Variants in DENND5A observed in about 807,000 individuals in gnomAD.
DENND5A encodes DENN domain-containing protein 5A.
A neutral mutation model predicts 140.3 loss-of-function variants in DENND5A; 64 were observed. The observed-to-expected ratio is 0.46, with a 90% CI of 0.37 to 0.56. The LOEUF is 0.56. DENND5A is among the 20% of genes least tolerant of loss of function. The pLI is 0.00. For synonymous variants in DENND5A, 605 were observed against 607.7 expected, an observed-to-expected ratio of 1.00 and a Z score of 0.07; for missense variants, 1,292 against 1,593.8, an observed-to-expected ratio of 0.81 and a Z score of 3.22.
At chr11:9,250,249 T>G (rs1851664257) in intron 1 of DENND5A, among the ~76,000 whole-genome samples, 1 of 147,162 alleles carries the variant, frequency 6.8e-6, no homozygotes, top group South Asian at 2.1e-4. Context: ...GCAAAAAGCA[T>G]AAAACATCCT....
At chr11:9,246,261 G>A (rs1851466495) in intron 1 of DENND5A, among the ~76,000 whole-genome samples, 1 of 152,164 alleles carries the variant, frequency 6.6e-6, no homozygotes, top group Non-Finnish European at 1.5e-5. Flanking sequence ...TCCCTGAGCT[G>A]TCTTTCAGAA....
At chr11:9,193,353 C>A in intron 5 of DENND5A, 141 bp downstream of exon 5, 2 of 593,044 alleles carry the variant, frequency 3.4e-6, no homozygotes, top group Non-Finnish European at 5.4e-6. Context: ...ATTGTTTTTA[C>A]TTTTTTCCTG....
chr11:9,166,077 TTTTC>T, intron 10 of DENND5A, 110 bp from the exon 11 acceptor site: 1 of 1,035,912 alleles, frequency 9.7e-7, no homozygotes, highest in Non-Finnish European at 1.4e-6. Context: ...TTTTCTTTTT[TTTTC>T]TTTTTCTTTT....
intron 11 of DENND5A, 143 bp downstream of exon 11, chr11:9,165,693 C>T: frequency 4.0e-6 from 4 of 998,086 alleles, no homozygotes; most frequent in Non-Finnish European, 5.9e-6. Flanking sequence ...CATGGTCTCC[C>T]AAAGTGTTGG....
chr11:9,139,347 G>A lies in DENND5A; in HGVS notation c.*324C>T, dbSNP rs116255910. ...CGGGGCAAGGAAACATAACTGTCCCGCACGCAGTGCCACAGGCTCAGTCCA... is the reference window on the plus strand; with the variant it reads ...CGGGGCAAGGAAACATAACTGTCCCACACGCAGTGCCACAGGCTCAGTCCA... On this transcript the variant is annotated 3_prime_UTR_variant, in exon 23 of 23. Transcript: ENST00000328194. The A allele has an allele frequency of 3.3e-3, 1,011 of 304,604 alleles. 5 individuals are homozygous for A. The highest frequency in any genetic ancestry group is 0.011 in the African/African-American group (511 of 47,240). 18.9% of individuals were successfully genotyped at this position (304,604 alleles called of 1,614,324 possible). A position where few individuals can be genotyped will look rare whatever the true frequency, so the allele number is the denominator to read the frequency against.
chr11:9,179,984 C>T (rs1021016418), intron 6 of DENND5A, among the ~76,000 whole-genome samples: 10 of 151,990 alleles, frequency 6.6e-5, no homozygotes, highest in African/African-American at 1.9e-4. Context: ...AAGTAACTTA[C>T]GAAAGTAATT....
Position 9,152,345 on chromosome 11 carries a change from G to C in DENND5A, c.2521+13C>G, listed in dbSNP as rs763835548. ...GAGAGAGGGCAGACTCTCCATTGCA[G>C]AGACTATCTTACCTGAGGTACTGAG... On this transcript the variant is annotated intron_variant, in intron 13 of 22. Transcript: ENST00000328194. The C allele has an allele frequency of 1.3e-6, 2 of 1,586,252 alleles. No homozygotes were observed. Among genetic ancestry groups the C allele is most frequent in the African/African-American group, 1.3e-5 (1 of 74,274 alleles).
chr11:9,168,877 A>T (rs1848275448), intron 10 of DENND5A, among the ~76,000 whole-genome samples: 1 of 152,138 alleles, frequency 6.6e-6, no homozygotes, highest in South Asian at 2.1e-4. Context: ...TGAAGTTAAC[A>T]CTCATTTTCA....
chr11:9,264,809 A>G (rs539282695), intron 1 of DENND5A, 152 bp downstream of exon 1: 228 of 626,014 alleles, frequency 3.6e-4, no homozygotes, highest in Non-Finnish European at 5.6e-4. Context: ...TCCCCCCTCC[A>G]GTCCAAAGCC....
chr11:9,198,669 G>A (rs548930417), intron 4 of DENND5A, among the ~76,000 whole-genome samples: 1 of 152,036 alleles, frequency 6.6e-6, no homozygotes, highest in Non-Finnish European at 1.5e-5. Context: ...TGTATTATGG[G>A]TGTGGTTTAT....
chr11:9,191,984 T>A (rs1320901841), intron 5 of DENND5A, among the ~76,000 whole-genome samples: 3 of 152,194 alleles, frequency 2.0e-5, no homozygotes. Context: ...ACCCCAATAT[T>A]ATCTCAACTC....
chr11:9,198,935 G>C (rs944298972), intron 4 of DENND5A, among the ~76,000 whole-genome samples: 3 of 145,900 alleles, frequency 2.1e-5, no homozygotes, highest in African/African-American at 7.5e-5. Context: ...GCCAGGTGTG[G>C]TGTCCTAGCT....
intron 5 of DENND5A, among the ~76,000 whole-genome samples, chr11:9,183,195 A>G (rs891750553): frequency 6.6e-6 from 1 of 152,224 alleles, no homozygotes; most frequent in Non-Finnish European, 1.5e-5. Flanking sequence ...TAGCCAAGAC[A>G]ACATTGCCTT....
At chr11:9,240,166 G>C (rs1851174076) in intron 1 of DENND5A, among the ~76,000 whole-genome samples, 2 of 152,060 alleles carry the variant, frequency 1.3e-5, no homozygotes, top group South Asian at 4.1e-4. Context: ...CCAGCATTTT[G>C]GGAGGCCAAG....
At chr11:9,174,516 C>CT (rs575928246) in intron 8 of DENND5A, among the ~76,000 whole-genome samples, 10,539 of 133,718 alleles carry the variant, frequency 0.079, 1,123 homozygotes, top group African/African-American at 0.25. Context: ...AAGGTTATTT[C>CT]TTTTTTTTTT....
chr11:9,179,334 CAG>C (rs1033736274), intron 6 of DENND5A, among the ~76,000 whole-genome samples: 2 of 152,018 alleles, frequency 1.3e-5, no homozygotes, highest in African/African-American at 4.8e-5. Context: ...TCTTTATGGG[CAG>C]AGAGAGATTC....
Position 9,178,271 on chromosome 11 carries a change from T to C in DENND5A, c.1767A>G (p.Ile589Met). ...CTTTATCATCATCATCATGACACAT[T>C]ATTTTGTTGTCAATGAAAGATGCAA... ...QMFASFIDNK[I>M]MCHDDDDKDP... The change falls in exon 8 of 23, where the codon ATA becomes ATG. Residue 589 changes from isoleucine to methionine, a missense_variant. This residue lies in a region of DENND5A where 199 missense variants were observed against 189.1 expected (regional missense o/e 1.05). Coordinates refer to ENST00000328194, the MANE Select transcript of DENND5A (RefSeq NM_015213.4). 1 of 1,613,822 alleles carries C rather than the reference T, an allele frequency of 6.2e-7. No homozygotes were observed. The highest frequency in any genetic ancestry group is 8.5e-7 in the Non-Finnish European group (1 of 1,179,772).
intron 1 of DENND5A, among the ~76,000 whole-genome samples, chr11:9,229,702 GCA>G (rs528786067): frequency 2.6e-5 from 4 of 152,132 alleles, no homozygotes; most frequent in South Asian, 2.1e-4. Context: ...AAGGAATGCT[GCA>G]CAGAGTCCAA....
intron 1 of DENND5A, among the ~76,000 whole-genome samples, chr11:9,210,517 T>C (rs1849841107): frequency 6.6e-6 from 1 of 152,184 alleles, no homozygotes; most frequent in Admixed American, 6.5e-5. Flanking sequence ...TGTTCTGTTT[T>C]GACCAAGCCA....
Sources: allele counts gnomAD v4.1 joint callset (sites outside exome capture counted in the v4.1 genomes callset), GRCh38; gene constraint gnomAD v4.1.1; regional missense constraint gnomAD v4.1.1; transcripts MANE v1.5; gene names NCBI Gene and HGNC (gene_info 2026-07-23, HGNC 2026-07-21).